NELL1: variants seen among roughly 807,000 people sequenced by gnomAD.
The protein encoded by NELL1 is protein kinase C-binding protein NELL1.
Under a neutral mutation model 107.4 loss-of-function variants are expected in NELL1, and 76 were observed. The observed-to-expected ratio is 0.71, with a 90% CI of 0.59 to 0.86. The LOEUF (loss-of-function observed/expected upper bound fraction) is 0.86, where lower values mean the gene tolerates loss of function less well. Ranked by LOEUF, NELL1 falls within the 40% of genes least tolerant of loss-of-function variation. The pLI is 0.00. For missense variants in NELL1, 1,024 were observed against 1,005.5 expected (o/e 1.02, Z -0.25); for synonymous variants, 353 against 341.2 (o/e 1.03, Z -0.38).
At chr11:21,229,298 A>C in intron 13 of NELL1, 34 bp from the exon 14 acceptor site, 1 of 1,612,128 alleles carries the variant, frequency 6.2e-7, no homozygotes, top group African/African-American at 1.3e-5. Flanking sequence ...ACTTAAGAAA[A>C]AGTATTTCTC....
At chr11:21,158,970 G>A (rs1856303888) in intron 13 of NELL1, among the ~76,000 whole-genome samples, 2 of 151,990 alleles carry the variant, frequency 1.3e-5, no homozygotes, top group Admixed American at 6.5e-5. Flanking sequence ...TGATTGGCCT[G>A]TTTTTCTGCT....
intron 13 of NELL1, among the ~76,000 whole-genome samples, chr11:21,138,623 A>G (rs186576339): frequency 6.6e-6 from 1 of 152,358 alleles, no homozygotes; most frequent in Admixed American, 6.5e-5. Flanking sequence ...TGAGATGTCA[A>G]TAAACAAAGT....
At chr11:21,425,061 G>T (rs1852785781) in intron 15 of NELL1, among the ~76,000 whole-genome samples, 1 of 152,046 alleles carries the variant, frequency 6.6e-6, no homozygotes, top group Non-Finnish European at 1.5e-5. Flanking sequence ...TAATTCAAAA[G>T]CCTATTAAAA....
intron 3 of NELL1, among the ~76,000 whole-genome samples, chr11:20,833,344 G>A (rs571481084): frequency 8.5e-5 from 13 of 152,102 alleles, no homozygotes; most frequent in African/African-American, 1.9e-4. Flanking sequence ...TCTCCTTGAT[G>A]AGTAACTTGT....
intron 15 of NELL1, among the ~76,000 whole-genome samples, chr11:21,436,351 C>T (rs1180237709): frequency 6.6e-6 from 1 of 152,118 alleles, no homozygotes; most frequent in Non-Finnish European, 1.5e-5. Flanking sequence ...CTGTGCTCAG[C>T]CTTCTTCCTT....
At chr11:21,511,771 G>A (rs949506590) in intron 15 of NELL1, among the ~76,000 whole-genome samples, 6 of 152,216 alleles carry the variant, frequency 3.9e-5, no homozygotes, top group Admixed American at 3.9e-4. Flanking sequence ...AATGTCTGGA[G>A]TGTAATGAGC....
intron 15 of NELL1, among the ~76,000 whole-genome samples, chr11:21,467,044 C>A (rs1424972551): frequency 6.6e-6 from 1 of 151,988 alleles, no homozygotes. Flanking sequence ...TCCAGACATG[C>A]AACAACTGGG....
Position 21,106,799 on chromosome 11 carries a change from C to T in NELL1, c.1301-6790C>T, listed in dbSNP as rs563709735. On this transcript the variant is annotated intron_variant, in intron 12 of 19. Coordinates refer to ENST00000357134, the MANE Select transcript of NELL1 (RefSeq NM_006157.5). ...TTTTCCCCCCTTGCTTTAGGGAGGA[C>T]GCTATAATTATAGAAAAACATGGAA... Among the ~76,000 whole-genome samples, 40 of 152,108 alleles carry T rather than the reference C, an allele frequency of 2.6e-4. 1 individual carries two copies. Among genetic ancestry groups the T allele is most frequent in the South Asian group, 4.2e-4 (2 of 4,816 alleles).
At chr11:21,358,719 T>TTTG (rs34509053) in intron 14 of NELL1, among the ~76,000 whole-genome samples, 57,423 of 148,846 alleles carry the variant, frequency 0.39, 12,582 homozygotes, top group East Asian at 0.51. Flanking sequence ...GCCCGGCCTT[T>TTTG]TTGTTGTTGT....
chr11:20,695,091 G>A (rs1854580128), intron 2 of NELL1, among the ~76,000 whole-genome samples: 1 of 152,010 alleles, frequency 6.6e-6, no homozygotes. Context: ...TTGGCTCTCA[G>A]CTTGAACGTT....
intron 13 of NELL1, among the ~76,000 whole-genome samples, chr11:21,140,582 G>C (rs1307140315): frequency 6.6e-6 from 1 of 152,128 alleles, no homozygotes; most frequent in Non-Finnish European, 1.5e-5. Flanking sequence ...CTGAAAGTCT[G>C]CAATGAATTA....
chr11:21,295,020 G>C (rs575557225), intron 14 of NELL1, among the ~76,000 whole-genome samples: 4 of 152,206 alleles, frequency 2.6e-5, no homozygotes, highest in African/African-American at 9.6e-5. Flanking sequence ...TTTTCGTTCT[G>C]TTATTCCACA....
chr11:20,945,593 T>C (rs1036309071), intron 10 of NELL1, among the ~76,000 whole-genome samples: 9 of 152,204 alleles, frequency 5.9e-5, no homozygotes, highest in African/African-American at 2.2e-4. Context: ...TGAATAAATA[T>C]ATTAATATTG....
chr11:21,549,498 C>T (rs151242153), intron 16 of NELL1, among the ~76,000 whole-genome samples: 3 of 151,806 alleles, frequency 2.0e-5, no homozygotes, highest in African/African-American at 4.8e-5. Flanking sequence ...TCCAAGAGAA[C>T]GAATTGTGTC....
intron 16 of NELL1, 63 bp from the exon 17 acceptor site, chr11:21,560,126 T>C: frequency 1.4e-6 from 2 of 1,470,900 alleles, no homozygotes; most frequent in Non-Finnish European, 1.9e-6. Flanking sequence ...CTGCAAATGA[T>C]GGTTGTTTGT....
Position 21,429,931 on chromosome 11 carries a change from T to G in NELL1, c.1645+58983T>G, listed in dbSNP as rs562722900. Among the ~76,000 whole-genome samples, 17 of 152,270 alleles carry G rather than the reference T, an allele frequency of 1.1e-4. No homozygotes were observed. In the East Asian group the frequency reaches 3.3e-3, roughly 29 times the overall value. On this transcript the variant is annotated intron_variant, in intron 15 of 19. Coordinates refer to ENST00000357134, the MANE Select transcript of NELL1 (RefSeq NM_006157.5). Reference sequence around the variant, plus strand: ...AATCCTTTGGTGTCTCTATGTAAAATGGTATAAGAATAGCCTCTAAATATC... The same window carrying G: ...AATCCTTTGGTGTCTCTATGTAAAAGGGTATAAGAATAGCCTCTAAATATC...
intron 3 of NELL1, among the ~76,000 whole-genome samples, chr11:20,794,589 G>A (rs910206451): frequency 1.3e-5 from 2 of 152,094 alleles, no homozygotes; most frequent in African/African-American, 4.8e-5. Flanking sequence ...ATAATACCTG[G>A]TGATTTTTCT....
intron 5 of NELL1, among the ~76,000 whole-genome samples, chr11:20,891,886 A>G (rs1327558017): frequency 6.6e-6 from 1 of 152,232 alleles, no homozygotes; most frequent in Non-Finnish European, 1.5e-5. Context: ...AGACCTACAA[A>G]GAGACTTAGA....
intron 11 of NELL1, among the ~76,000 whole-genome samples, chr11:20,958,336 C>T (rs1851220261): frequency 6.6e-6 from 1 of 152,052 alleles, no homozygotes; most frequent in African/African-American, 2.4e-5. Flanking sequence ...TCACTTTAGC[C>T]CATGAGGCCG....
Sources: allele counts gnomAD v4.1 joint callset (sites outside exome capture counted in the v4.1 genomes callset), GRCh38; gene constraint gnomAD v4.1.1; transcripts MANE v1.5; gene names NCBI Gene and HGNC (gene_info 2026-07-23, HGNC 2026-07-21).